Variants in CNTNAP2 observed in about 807,000 individuals in gnomAD.
The protein encoded by CNTNAP2 is contactin-associated protein-like 2.
In CNTNAP2, 98 loss-of-function variants were observed where a neutral mutation model predicts 155.2. The ratio of observed to expected loss-of-function variants is 0.63; its 90% CI spans 0.54 to 0.75. The LOEUF (loss-of-function observed/expected upper bound fraction) is 0.75. Ranked by LOEUF, CNTNAP2 falls within the 30% of genes least tolerant of loss-of-function variation. The probability of loss-of-function intolerance (pLI) is 0.00; values close to 1 mark genes in which losing one functional copy is unlikely to be tolerated. For synonymous variants in CNTNAP2, 651 were observed against 631.2 expected, an observed-to-expected ratio of 1.03 and a Z score of -0.47; for missense variants, 1,727 against 1,688.1, an observed-to-expected ratio of 1.02 and a Z score of -0.40.
chr7:148,095,130 G>A (rs999147045), intron 15 of CNTNAP2, among the ~76,000 whole-genome samples: 6 of 152,150 alleles, frequency 3.9e-5, no homozygotes, highest in African/African-American at 9.7e-5. Flanking sequence ...AACTTCCTCC[G>A]TCCTGGACCA....
intron 19 of CNTNAP2, 69 bp from the exon 20 acceptor site, chr7:148,229,577 T>C (rs2116778741): frequency 1.3e-6 from 2 of 1,532,524 alleles, no homozygotes; most frequent in South Asian, 1.1e-5. Flanking sequence ...GAGCAGGAAT[T>C]GAGGGGATGT....
intron 1 of CNTNAP2, among the ~76,000 whole-genome samples, chr7:146,319,556 A>T (rs949979035): frequency 5.3e-5 from 8 of 152,318 alleles, no homozygotes; most frequent in African/African-American, 1.7e-4. Flanking sequence ...ATGTGTTAAA[A>T]GTGTACAGCT....
At chr7:146,165,632 A>G (rs1010193135) in intron 1 of CNTNAP2, among the ~76,000 whole-genome samples, 6 of 152,172 alleles carry the variant, frequency 3.9e-5, no homozygotes, top group African/African-American at 1.4e-4. Context: ...TTTTATATGT[A>G]TCTAAATCTG....
intron 9 of CNTNAP2, among the ~76,000 whole-genome samples, chr7:147,345,295 TA>T (rs892437357): frequency 7.9e-5 from 12 of 152,196 alleles, no homozygotes; most frequent in African/African-American, 2.9e-4. Flanking sequence ...GTACTCTGCT[TA>T]AATCTATTTC....
chr7:148,355,655 C>A lies in CNTNAP2; in HGVS notation c.3476-27994C>A, dbSNP rs62470646. Among the ~76,000 whole-genome samples the A allele has an allele frequency of 2.4e-3, 373 of 152,274 alleles. 1 individual carries two copies. Among genetic ancestry groups the A allele is most frequent in the Non-Finnish European group, 4.3e-3 (294 of 68,014 alleles). On this transcript the variant is annotated intron_variant, in intron 21 of 23. Transcript: ENST00000361727. The stretch of plus-strand genomic sequence containing the variant: ...ATAAGTGAGCACCAACAGTACGCAG[C>A]GGCTGACACGTGTGAATCCATCTCT...
At chr7:146,775,029 C>T (rs141991656) in intron 2 of CNTNAP2, among the ~76,000 whole-genome samples, 119 of 152,218 alleles carry the variant, frequency 7.8e-4, no homozygotes, top group African/African-American at 2.6e-3. Flanking sequence ...AACACTGGTA[C>T]AAACATCAGT....
chr7:147,234,980 G>A (rs1803766818), intron 8 of CNTNAP2, among the ~76,000 whole-genome samples: 1 of 152,076 alleles, frequency 6.6e-6, no homozygotes, highest in South Asian at 2.1e-4. Flanking sequence ...TAGGACACAG[G>A]GTGCCCAGAC....
At chr7:146,489,032 A>C (rs2129130709) in intron 1 of CNTNAP2, among the ~76,000 whole-genome samples, 1 of 152,316 alleles carries the variant, frequency 6.6e-6, no homozygotes, top group African/African-American at 2.4e-5. Flanking sequence ...GCACAGCAGA[A>C]AAGACTGAAG....
intron 13 of CNTNAP2, among the ~76,000 whole-genome samples, chr7:147,897,994 C>T (rs984140146): frequency 2.0e-5 from 3 of 152,168 alleles, no homozygotes; most frequent in Non-Finnish European, 4.4e-5. Context: ...TGTCAGAAAG[C>T]GGGCATGTTT....
At position 147,097,062 on chromosome 7, in the gene CNTNAP2, G is replaced by A. The variant is rs568094776; in HGVS notation, c.551-11085G>A. Among the ~76,000 whole-genome samples, 14 of 152,302 alleles carry A rather than the reference G, an allele frequency of 9.2e-5. No individual in the cohort carries two copies. In the South Asian group the frequency reaches 1.4e-3, roughly 16 times the overall value. On this transcript the variant is annotated intron_variant, in intron 4 of 23. Coordinates refer to ENST00000361727, the MANE Select transcript of CNTNAP2 (RefSeq NM_014141.6). ...ATTGTTGTAATATATTGCACCATAT[G>A]CATAACCTCAAAAGATACTGCACAC...
At chr7:147,472,033 C>T (rs1798228027) in intron 10 of CNTNAP2, among the ~76,000 whole-genome samples, 2 of 152,084 alleles carry the variant, frequency 1.3e-5, no homozygotes, top group African/African-American at 4.8e-5. Context: ...TCACACTTTT[C>T]TGCTCAGTGT....
chr7:146,853,792 T>C (rs1433621975), intron 3 of CNTNAP2, among the ~76,000 whole-genome samples: 5 of 152,168 alleles, frequency 3.3e-5, no homozygotes, highest in Non-Finnish European at 5.9e-5. Context: ...GAAAGTGCCT[T>C]GACTATTGAA....
intron 8 of CNTNAP2, among the ~76,000 whole-genome samples, chr7:147,247,531 A>T (rs1242714285): frequency 6.6e-6 from 1 of 152,162 alleles, no homozygotes; most frequent in Admixed American, 6.5e-5. Context: ...TTGTTTTTAC[A>T]TTCATTCATG....
intron 8 of CNTNAP2, among the ~76,000 whole-genome samples, chr7:147,271,113 AT>A (rs1283368687): frequency 1.3e-5 from 2 of 152,222 alleles, no homozygotes; most frequent in African/African-American, 4.8e-5. Flanking sequence ...TAAAACAGAA[AT>A]GTAAGTAGTT....
chr7:148,158,973 G>C (rs950227170), intron 17 of CNTNAP2, among the ~76,000 whole-genome samples: 15 of 152,192 alleles, frequency 9.9e-5, no homozygotes, highest in Non-Finnish European at 1.9e-4. Context: ...AGAAGGGATA[G>C]ATCCTCGCAG....
At chr7:146,351,215 A>G (rs750735629) in intron 1 of CNTNAP2, among the ~76,000 whole-genome samples, 4 of 152,074 alleles carry the variant, frequency 2.6e-5, no homozygotes, top group Non-Finnish European at 5.9e-5. Flanking sequence ...ATGTGAACAG[A>G]AGACTGAGGG....
intron 3 of CNTNAP2, among the ~76,000 whole-genome samples, chr7:146,991,553 T>A (rs1027054874): frequency 6.6e-6 from 1 of 152,154 alleles, no homozygotes; most frequent in Non-Finnish European, 1.5e-5. Flanking sequence ...CGAACAGAAT[T>A]GTTTTCATCA....
rs1795183593 is a variant in CNTNAP2, at chr7:147,636,520, C to T, written c.1898-2586C>T. ...ATACATGTGCCATGGTGGTTTGCCG[C>T]ACCTATCAACCTGTCATCTAGGTTC... On this transcript the variant is annotated intron_variant, in intron 12 of 23. Coordinates refer to ENST00000361727, the MANE Select transcript of CNTNAP2 (RefSeq NM_014141.6). Among the ~76,000 whole-genome samples, 3 of 152,102 alleles carry T rather than the reference C, an allele frequency of 2.0e-5. 1 individual carries two copies. In the South Asian group the frequency reaches 6.2e-4, roughly 31 times the overall value.
intron 3 of CNTNAP2, among the ~76,000 whole-genome samples, chr7:146,932,992 C>G (rs556017398): frequency 3.3e-5 from 5 of 152,176 alleles, no homozygotes; most frequent in East Asian, 1.9e-4. Flanking sequence ...GAATCAATAT[C>G]GTGAAAATGG....
Sources: allele counts gnomAD v4.1 joint callset (sites outside exome capture counted in the v4.1 genomes callset), GRCh38; gene constraint gnomAD v4.1.1; transcripts MANE v1.5; gene names NCBI Gene and HGNC (gene_info 2026-07-23, HGNC 2026-07-21).